Variants in AKAP13 observed in about 807,000 individuals in gnomAD.
AKAP13 encodes the protein A-kinase anchor protein 13.
In AKAP13, 80 loss-of-function variants were observed where a neutral mutation model predicts 264.5. The ratio of observed to expected loss-of-function variants is 0.30; its 90% CI spans 0.25 to 0.36. The LOEUF (loss-of-function observed/expected upper bound fraction) is 0.36. Ranked by LOEUF, AKAP13 falls within the 10% of genes least tolerant of loss-of-function variation. The pLI, the probability that AKAP13 is intolerant of heterozygous loss-of-function variation, is 1.00. For missense variants in AKAP13, 3,712 were observed against 3,435.2 expected (o/e 1.08, Z -2.01); for synonymous variants, 1,380 against 1,250.2 (o/e 1.10, Z -2.19).
chr15:85,623,142 A>C (rs1350344331), intron 8 of AKAP13, among the ~76,000 whole-genome samples: 3 of 152,166 alleles, frequency 2.0e-5, no homozygotes, highest in Non-Finnish European at 4.4e-5. Flanking sequence ...GTGCCACATA[A>C]ATTCTCAAGC....
At chr15:85,538,442 G>C (rs2077473335) in intron 4 of AKAP13, among the ~76,000 whole-genome samples, 1 of 151,628 alleles carries the variant, frequency 6.6e-6, no homozygotes, top group African/African-American at 2.4e-5. Flanking sequence ...ATAATCATTT[G>C]ATGATTCAGT....
At chr15:85,533,309 C>G (rs554972174) in intron 3 of AKAP13, among the ~76,000 whole-genome samples, 2 of 152,124 alleles carry the variant, frequency 1.3e-5, no homozygotes, top group East Asian at 1.9e-4. Flanking sequence ...AGAGCCTGTT[C>G]GGTTCCAGAT....
chr15:85,401,536 A>T (rs1384230042), intron 1 of AKAP13, among the ~76,000 whole-genome samples: 6 of 152,128 alleles, frequency 3.9e-5, no homozygotes, highest in Non-Finnish European at 7.4e-5. Flanking sequence ...CTGCTTTTTT[A>T]CTGTTTCCTC....
At chr15:85,698,601 G>A (rs1342916176) in intron 17 of AKAP13, among the ~76,000 whole-genome samples, 1 of 151,444 alleles carries the variant, frequency 6.6e-6, no homozygotes, top group Non-Finnish European at 1.5e-5. Flanking sequence ...CTCTGTCCTT[G>A]TAGCACAAAA....
Position 85,703,857 on chromosome 15 carries a change from T to A in AKAP13, c.5465-4162T>A, listed in dbSNP as rs370107533. ...GACTCCATCTCAAAAAAAAAAAATA[T>A]ATATATATATATATACACACACATA... is the stretch of plus-strand genomic sequence containing the variant. On this transcript the variant is annotated intron_variant, in intron 17 of 36. Transcript: ENST00000394518. Among the ~76,000 whole-genome samples the A allele has an allele frequency of 5.4e-3, 688 of 127,790 alleles. 2 individuals carry two copies. Among genetic ancestry groups the A allele is most frequent in the South Asian group, 0.016 (61 of 3,918 alleles). 83.8% of individuals were successfully genotyped at this position (127,790 alleles called of 152,430 possible). A position where few individuals can be genotyped will look rare whatever the true frequency, so the allele number is the denominator to read the frequency against.
At chr15:85,641,005 G>A (rs1253519072) in intron 9 of AKAP13, among the ~76,000 whole-genome samples, 1 of 152,144 alleles carries the variant, frequency 6.6e-6, no homozygotes, top group Non-Finnish European at 1.5e-5. Context: ...CAGAATTGCA[G>A]ATCAGAATTA....
At chr15:85,396,531 T>C (rs970876760) in intron 1 of AKAP13, among the ~76,000 whole-genome samples, 1 of 152,222 alleles carries the variant, frequency 6.6e-6, no homozygotes, top group African/African-American at 2.4e-5. Context: ...TCATATACCA[T>C]AAAATTCACC....
At chr15:85,460,515 A>G (rs1429279972) in intron 1 of AKAP13, among the ~76,000 whole-genome samples, 1 of 152,188 alleles carries the variant, frequency 6.6e-6, no homozygotes. Flanking sequence ...TAGACAGGAT[A>G]ATGGCCCCCA....
chr15:85,629,549 C>T (rs1371903198), intron 8 of AKAP13, among the ~76,000 whole-genome samples: 2 of 152,052 alleles, frequency 1.3e-5, no homozygotes, highest in Non-Finnish European at 2.9e-5. Flanking sequence ...ATTTTGTTCT[C>T]TGGAAGCTTA....
intron 11 of AKAP13, among the ~76,000 whole-genome samples, chr15:85,657,874 C>A (rs1332797862): frequency 3.3e-5 from 5 of 152,054 alleles, no homozygotes; most frequent in African/African-American, 1.2e-4. Flanking sequence ...TCTATACAAT[C>A]CCCTTTTCTT....
At chr15:85,572,108 AG>A (rs1453624068) in intron 5 of AKAP13, among the ~76,000 whole-genome samples, 25 of 152,310 alleles carry the variant, frequency 1.6e-4, no homozygotes, top group African/African-American at 6.0e-4. Context: ...AATTTTGAGA[AG>A]GTTGGTAGAA....
chr15:85,650,791 C>CAAAAAAA (rs1191739643), intron 10 of AKAP13, among the ~76,000 whole-genome samples: 7 of 65,148 alleles, frequency 1.1e-4, no homozygotes, highest in Admixed American at 3.6e-4. Context: ...AAAAAAAAAA[C>CAAAAAAA]AACAAAAACT....
At chr15:85,487,714 C>T (rs555601425) in intron 2 of AKAP13, among the ~76,000 whole-genome samples, 6 of 149,848 alleles carry the variant, frequency 4.0e-5, no homozygotes, top group East Asian at 3.9e-4. Context: ...TACAGATGTG[C>T]GCCACCATGC....
At chr15:85,586,195 CTT>C (rs35834747) in intron 8 of AKAP13, among the ~76,000 whole-genome samples, 2 of 143,808 alleles carry the variant, frequency 1.4e-5, no homozygotes, top group Non-Finnish European at 1.5e-5. Flanking sequence ...TTTTCTTTTT[CTT>C]TTTTTTTTTT....
intron 30 of AKAP13, among the ~76,000 whole-genome samples, chr15:85,732,826 TTAC>T (rs1472490298): frequency 6.6e-6 from 1 of 151,148 alleles, no homozygotes; most frequent in Non-Finnish European, 1.5e-5. Flanking sequence ...AATTTACTAA[TTAC>T]TATTGCTAAT....
intron 5 of AKAP13, among the ~76,000 whole-genome samples, chr15:85,574,352 G>T (rs900089800): frequency 1.3e-5 from 2 of 152,224 alleles, no homozygotes; most frequent in East Asian, 1.9e-4. Flanking sequence ...ACGGGCATGG[G>T]TATGCCTTCT....
rs115578650 is a variant in AKAP13 at position 85,627,072 on chromosome 15, G to A, written c.4162-12302G>A. 3.4e-3 allele frequency among the ~76,000 whole-genome samples: 519 copies of A among 152,188 alleles called. 3 individuals carry two copies. Among genetic ancestry groups the A allele is most frequent in the African/African-American group, 0.012 (499 of 41,504 alleles). On this transcript the variant is annotated intron_variant, in intron 8 of 36. Coordinates refer to ENST00000394518, the MANE Select transcript of AKAP13 (RefSeq NM_007200.5). ...GAGCTTTCCAAACCACCCCATCTGC[G>A]AATAGGTATTATTTACTATGAATGC...
At chr15:85,553,117 G>A (rs1244753671) in intron 5 of AKAP13, among the ~76,000 whole-genome samples, 4 of 95,290 alleles carry the variant, frequency 4.2e-5, no homozygotes, top group Admixed American at 1.3e-4. Flanking sequence ...ACGGAGTTTC[G>A]CTCTTTTTGC....
chr15:85,416,992 A>G (rs1301055934), intron 1 of AKAP13, among the ~76,000 whole-genome samples: 2 of 152,224 alleles, frequency 1.3e-5, no homozygotes, highest in African/African-American at 4.8e-5. Context: ...ATGCTTCAAA[A>G]TGAAATACGG....
Sources: gnomAD v4.1 joint callset for allele counts (sites outside exome capture counted in the v4.1 genomes callset) on GRCh38, gnomAD v4.1.1 for gene constraint, MANE v1.5 for transcripts, NCBI Gene and HGNC (gene_info 2026-07-23, HGNC 2026-07-21) for gene names.